Variants in STOX2 observed in about 807,000 individuals in gnomAD.
STOX2 encodes storkhead box 2.
A neutral mutation model predicts 60.9 loss-of-function variants in STOX2; 28 were observed. The observed-to-expected ratio is 0.46, with a 90% CI of 0.34 to 0.63. STOX2 has a LOEUF of 0.63. Ranked by LOEUF, STOX2 falls within the 30% of genes least tolerant of loss-of-function variation. The probability of loss-of-function intolerance (pLI) is 0.01; values close to 1 mark genes in which losing one functional copy is unlikely to be tolerated. For synonymous variants in STOX2, 472 were observed against 463.9 expected (o/e 1.02, Z -0.22); for missense variants, 1,024 against 1,187.7 (o/e 0.86, Z 2.03).
intron 1 of STOX2, among the ~76,000 whole-genome samples, chr4:183,932,310 C>G (rs1044808659): frequency 9.2e-6 from 1 of 109,206 alleles, no homozygotes; most frequent in Non-Finnish European, 1.9e-5. Flanking sequence ...TCAGTGTATA[C>G]ATACAGTATA....
chr4:183,798,067 C>T (rs1270607685), intron 1 of STOX2: 3 of 1,226,756 alleles, frequency 2.4e-6, no homozygotes, highest in African/African-American at 3.1e-5. Flanking sequence ...TGAGTGCGAC[C>T]GCCGCGCGCC....
At chr4:183,884,601 G>A (rs149526357) in intron 1 of STOX2, among the ~76,000 whole-genome samples, 47 of 152,264 alleles carry the variant, frequency 3.1e-4, no homozygotes, top group East Asian at 1.7e-3. Context: ...TTGTGAAGGC[G>A]TTTCTCATTT....
intron 1 of STOX2, among the ~76,000 whole-genome samples, chr4:183,872,567 T>C (rs1204480879): frequency 6.6e-6 from 1 of 152,160 alleles, no homozygotes; most frequent in Non-Finnish European, 1.5e-5. Context: ...AGACTTGAAA[T>C]AGCATATTTA....
chr4:183,952,992 A>G (rs1743137453), intron 1 of STOX2, among the ~76,000 whole-genome samples: 1 of 152,160 alleles, frequency 6.6e-6, no homozygotes, highest in South Asian at 2.1e-4. Context: ...GAACAATGAG[A>G]ACACATGGAC....
intron 1 of STOX2, among the ~76,000 whole-genome samples, chr4:183,972,206 G>T (rs899225513): frequency 5.9e-5 from 9 of 152,168 alleles, no homozygotes; most frequent in Admixed American, 1.3e-4. Context: ...AGGGAACTGT[G>T]GTCCTAAGAG....
Position 184,004,517 on chromosome 4 carries a change from G to A in STOX2, c.319+3040G>A, listed in dbSNP as rs57498753. Among the ~76,000 whole-genome samples the A allele has an allele frequency of 6.2e-3, 940 of 152,192 alleles. 5 individuals carry two copies. The highest frequency in any genetic ancestry group is 0.015 in the East Asian group (76 of 5,178). ...CGGGAGGCTGAGGCAGGAGAATGGCGTGAACCCGGGAGGCCGAGCTTGCAG... is the reference window on the plus strand; with the variant it reads ...CGGGAGGCTGAGGCAGGAGAATGGCATGAACCCGGGAGGCCGAGCTTGCAG... On this transcript the variant is annotated intron_variant, in intron 2 of 3. Transcript: ENST00000308497.
At chr4:183,874,788 A>T (rs1442210616) in intron 1 of STOX2, among the ~76,000 whole-genome samples, 2 of 150,616 alleles carry the variant, frequency 1.3e-5, no homozygotes, top group South Asian at 4.2e-4. Context: ...TAGCCGGGCG[A>T]GCTGGCAGGC....
At chr4:183,993,691 C>T (rs370953526) in intron 1 of STOX2, among the ~76,000 whole-genome samples, 1 of 152,206 alleles carries the variant, frequency 6.6e-6, no homozygotes, top group African/African-American at 2.4e-5. Flanking sequence ...CCATCGGGCT[C>T]AGCCTTCAAC....
Position 184,021,725 on chromosome 4 carries a change from T to C in STOX2, c.*4441T>C, listed in dbSNP as rs1254611785. On this transcript the variant is annotated 3_prime_UTR_variant, in exon 4 of 4. Coordinates refer to ENST00000308497, the MANE Select transcript of STOX2 (RefSeq NM_020225.3). ...CTCTTCACAGTGCTGCTTGGCACCA[T>C]AGAAAATCAGTACAATATATCGAGC... is the stretch of plus-strand genomic sequence containing the variant. 1 of 152,250 alleles carries C rather than the reference T, an allele frequency of 6.6e-6. No individual in the cohort carries two copies. Among genetic ancestry groups the C allele is most frequent in the Non-Finnish European group, 1.5e-5 (1 of 68,052 alleles). The allele number at this position is 152,250 out of a possible 1,614,324, so 9.4% of individuals were successfully genotyped here. A position where few individuals can be genotyped will look rare whatever the true frequency, so the allele number is the denominator to read the frequency against.
chr4:183,988,342 G>A (rs545825696), intron 1 of STOX2: 7 of 152,226 alleles, frequency 4.6e-5, no homozygotes, highest in African/African-American at 1.7e-4. Flanking sequence ...GGCTCAGCAA[G>A]TGGCTGTGAT....
intron 1 of STOX2, among the ~76,000 whole-genome samples, chr4:183,860,087 T>C (rs1374147552): frequency 7.6e-6 from 1 of 132,160 alleles, no homozygotes; most frequent in Non-Finnish European, 1.7e-5. Flanking sequence ...AAAATCATAT[T>C]CTTTTTTTTT....
At chr4:183,922,784 A>G (rs1420382667) in intron 1 of STOX2, among the ~76,000 whole-genome samples, 1 of 152,112 alleles carries the variant, frequency 6.6e-6, no homozygotes, top group Non-Finnish European at 1.5e-5. Flanking sequence ...ATTACACACT[A>G]ACTCTCGGTC....
intron 1 of STOX2, among the ~76,000 whole-genome samples, chr4:183,994,924 T>C (rs1340426638): frequency 4.6e-5 from 7 of 152,108 alleles, no homozygotes. Context: ...ATATGGAATG[T>C]TGGTGCTTGA....
intron 1 of STOX2, among the ~76,000 whole-genome samples, chr4:183,959,187 G>T (rs1743342782): frequency 6.6e-6 from 1 of 152,076 alleles, no homozygotes; most frequent in African/African-American, 2.4e-5. Flanking sequence ...TATTTACAAT[G>T]AACATAGCTT....
chr4:183,977,003 C>T (rs954612039), intron 1 of STOX2, among the ~76,000 whole-genome samples: 25 of 152,150 alleles, frequency 1.6e-4, no homozygotes, highest in African/African-American at 5.8e-4. Context: ...ATTGTATAGC[C>T]AGTCTGGAAA....
chr4:183,911,047 C>T, intron 1 of STOX2, among the ~76,000 whole-genome samples: 1 of 152,302 alleles, frequency 6.6e-6, no homozygotes, highest in African/African-American at 2.4e-5. Context: ...GACCTCCCTC[C>T]ATCTGTAATG....
chr4:183,918,472 G>A (rs1741995319), intron 1 of STOX2, among the ~76,000 whole-genome samples: 1 of 152,236 alleles, frequency 6.6e-6, no homozygotes, highest in African/African-American at 2.4e-5. Context: ...GAAGGTAAAG[G>A]AGAAAACTCC....
chr4:184,015,331 G>C (rs1451688682), intron 3 of STOX2: 2 of 152,240 alleles, frequency 1.3e-5, no homozygotes, highest in Non-Finnish European at 2.9e-5. Flanking sequence ...GAGTTTTCCT[G>C]GGGGAGACGT....
chr4:184,004,524 C>T (rs1047758797), intron 2 of STOX2, among the ~76,000 whole-genome samples: 5 of 152,034 alleles, frequency 3.3e-5, no homozygotes, highest in Admixed American at 6.6e-5. Context: ...GGCGTGAACC[C>T]GGGAGGCCGA....
Sources: gnomAD v4.1 joint callset for allele counts (sites outside exome capture counted in the v4.1 genomes callset) on GRCh38, gnomAD v4.1.1 for gene constraint, MANE v1.5 for transcripts, NCBI Gene and HGNC (gene_info 2026-07-23, HGNC 2026-07-21) for gene names.